The following CNTNAP2 variants were observed in gnomAD, a reference collection of about 807,000 sequenced individuals.
The protein encoded by CNTNAP2 is contactin-associated protein-like 2.
A neutral mutation model predicts 155.2 loss-of-function variants in CNTNAP2; 98 were observed. The observed-to-expected ratio is 0.63, with a 90% CI of 0.54 to 0.75. CNTNAP2 has a LOEUF of 0.75. CNTNAP2 is among the 30% of genes least tolerant of loss of function. The pLI, the probability that CNTNAP2 is intolerant of heterozygous loss-of-function variation, is 0.00. For synonymous variants in CNTNAP2, 651 were observed against 631.2 expected (o/e 1.03, Z -0.47); for missense variants, 1,727 against 1,688.1 (o/e 1.02, Z -0.40).
At chr7:148,373,150 TAAAAATA>T (rs1362172622) in intron 21 of CNTNAP2, among the ~76,000 whole-genome samples, 1 of 151,998 alleles carries the variant, frequency 6.6e-6, no homozygotes, top group East Asian at 1.9e-4. Context: ...TTACCCTTTT[TAAAAATA>T]AAAAATAAAA....
chr7:146,792,101 C>A (rs929316848), intron 2 of CNTNAP2, among the ~76,000 whole-genome samples: 5 of 152,102 alleles, frequency 3.3e-5, no homozygotes, highest in Non-Finnish European at 2.9e-5. Context: ...ATCTCACTGC[C>A]GTTTGGAATG....
chr7:146,184,449 A>G (rs746673001), intron 1 of CNTNAP2, among the ~76,000 whole-genome samples: 1 of 152,210 alleles, frequency 6.6e-6, no homozygotes, highest in Non-Finnish European at 1.5e-5. Context: ...AGAAATTATA[A>G]TACTGTATGA....
chr7:148,335,581 C>T (rs866198545), intron 21 of CNTNAP2, among the ~76,000 whole-genome samples: 6 of 152,160 alleles, frequency 3.9e-5, no homozygotes, highest in African/African-American at 1.4e-4. Flanking sequence ...AATTACGTGT[C>T]AAGAGAAGGA....
intron 13 of CNTNAP2, among the ~76,000 whole-genome samples, chr7:147,643,898 C>T (rs933761106): frequency 6.6e-6 from 1 of 151,844 alleles, no homozygotes; most frequent in African/African-American, 2.4e-5. Flanking sequence ...GTAAAATTAC[C>T]CATTATTAGT....
intron 11 of CNTNAP2, among the ~76,000 whole-genome samples, chr7:147,549,577 C>G (rs1277858828): frequency 6.6e-6 from 1 of 152,060 alleles, no homozygotes; most frequent in East Asian, 1.9e-4. Flanking sequence ...ACCTGCGGAG[C>G]TTTAAGTGAC....
intron 1 of CNTNAP2, among the ~76,000 whole-genome samples, chr7:146,742,786 G>A (rs75689102): frequency 0.016 from 2,451 of 152,110 alleles, 68 homozygotes; most frequent in African/African-American, 0.055. Flanking sequence ...AGATATATTC[G>A]GGAAACGAGC....
chr7:147,379,761 G>C (rs1287361338), intron 9 of CNTNAP2, among the ~76,000 whole-genome samples: 1 of 151,966 alleles, frequency 6.6e-6, no homozygotes, highest in East Asian at 1.9e-4. Context: ...GGTGGGGCTA[G>C]GGGCGTGAGG....
intron 3 of CNTNAP2, among the ~76,000 whole-genome samples, chr7:146,927,106 G>A (rs578221775): frequency 2.3e-4 from 35 of 152,098 alleles, no homozygotes; most frequent in Admixed American, 7.9e-4. Flanking sequence ...AATTCCAACA[G>A]TCTTTCTCTT....
At chr7:146,823,339 C>A (rs62481403) in intron 2 of CNTNAP2, among the ~76,000 whole-genome samples, 13,209 of 81,914 alleles carry the variant, frequency 0.16, 151 homozygotes, top group Middle Eastern at 0.26. Flanking sequence ...CAGTATATTT[C>A]CATGTAAATA....
intron 3 of CNTNAP2, among the ~76,000 whole-genome samples, chr7:146,961,325 G>A (rs1017183668): frequency 6.6e-5 from 10 of 152,138 alleles, no homozygotes; most frequent in African/African-American, 2.4e-4. Context: ...GCAACCATTA[G>A]CCCACATGTA....
intron 3 of CNTNAP2, among the ~76,000 whole-genome samples, chr7:146,929,182 C>T (rs1171738470): frequency 1.3e-5 from 2 of 152,188 alleles, no homozygotes; most frequent in Non-Finnish European, 2.9e-5. Flanking sequence ...AACTGGGAGG[C>T]ACCCCCCAGT....
At chr7:146,340,201 A>G (rs929235271) in intron 1 of CNTNAP2, among the ~76,000 whole-genome samples, 21 of 145,694 alleles carry the variant, frequency 1.4e-4, no homozygotes, top group Admixed American at 6.8e-4. Flanking sequence ...AGAAATACAT[A>G]GGGTTGAAGA....
intron 1 of CNTNAP2, among the ~76,000 whole-genome samples, chr7:146,504,334 A>G (rs76673992): frequency 0.13 from 19,828 of 152,174 alleles, 1,518 homozygotes; most frequent in African/African-American, 0.21. Context: ...CACCATGTCT[A>G]TGGGGGGTCA....
intron 9 of CNTNAP2, among the ~76,000 whole-genome samples, chr7:147,388,966 AC>A (rs1373716769): frequency 3.3e-5 from 5 of 152,108 alleles, no homozygotes; most frequent in Non-Finnish European, 5.9e-5. Flanking sequence ...ATCAACCTGT[AC>A]TGTAACCAAT....
At chr7:147,823,546 C>A (rs1798395755) in intron 13 of CNTNAP2, among the ~76,000 whole-genome samples, 1 of 152,022 alleles carries the variant, frequency 6.6e-6, no homozygotes, top group Admixed American at 6.6e-5. Context: ...TGGCTCCTAC[C>A]CCTAATTTTT....
At chr7:146,130,163 A>G (rs2116733957) in intron 1 of CNTNAP2, among the ~76,000 whole-genome samples, 1 of 152,342 alleles carries the variant, frequency 6.6e-6, no homozygotes. Context: ...TTCACTGGTT[A>G]GAAATATAGG....
intron 22 of CNTNAP2, among the ~76,000 whole-genome samples, chr7:148,402,475 TTAA>T (rs1799609323): frequency 6.6e-6 from 1 of 152,218 alleles, no homozygotes. Context: ...GGATCCTCTC[TTAA>T]AATAAAACAA....
At chr7:148,229,557 A>G (rs1485536916) in intron 19 of CNTNAP2, 89 bp from the exon 20 acceptor site, 21 of 1,477,758 alleles carry the variant, frequency 1.4e-5, no homozygotes, top group Non-Finnish European at 1.9e-5. Flanking sequence ...GGAAGAAAGA[A>G]AGAATCTAAG....
At chr7:147,079,191 A>G (rs1800062196) in intron 4 of CNTNAP2, among the ~76,000 whole-genome samples, 1 of 152,206 alleles carries the variant, frequency 6.6e-6, no homozygotes, top group Non-Finnish European at 1.5e-5. Context: ...AATCCTCACT[A>G]ACTGTGCTAC....
Sources: gnomAD v4.1 joint callset for allele counts (sites outside exome capture counted in the v4.1 genomes callset) on GRCh38, gnomAD v4.1.1 for gene constraint, MANE v1.5 for transcripts, NCBI Gene and HGNC (gene_info 2026-07-23, HGNC 2026-07-21) for gene names.